Variants in ATP2B1 observed in about 807,000 individuals in gnomAD.
ATP2B1 encodes the protein ATPase plasma membrane Ca2+ transporting 1.
Under a neutral mutation model 124.2 loss-of-function variants are expected in ATP2B1, and 14 were observed. The observed-to-expected ratio is 0.11, with a 90% CI of 0.07 to 0.18. The LOEUF (loss-of-function observed/expected upper bound fraction) is 0.18. ATP2B1 is among the 10% of genes least tolerant of loss of function. The pLI is 1.00. For synonymous variants in ATP2B1, 449 were observed against 492.4 expected, an observed-to-expected ratio of 0.91 and a Z score of 1.17; for missense variants, 763 against 1,466.1, an observed-to-expected ratio of 0.52 and a Z score of 7.83.
intron 5 of ATP2B1, among the ~76,000 whole-genome samples, chr12:89,634,383 A>C (rs561284457): frequency 6.4e-4 from 98 of 152,324 alleles, no homozygotes; most frequent in African/African-American, 2.3e-3. Context: ...CATCACAGAG[A>C]ATTCATTAAT....
chr12:89,690,056 CTT>C (rs1263516560), intron 1 of ATP2B1, among the ~76,000 whole-genome samples: 1 of 151,982 alleles, frequency 6.6e-6, no homozygotes, highest in African/African-American at 2.4e-5. Flanking sequence ...TGCTAGGATT[CTT>C]TGTGGTAAGC....
At chr12:89,665,757 C>A (rs1336831289) in intron 1 of ATP2B1, among the ~76,000 whole-genome samples, 1 of 152,186 alleles carries the variant, frequency 6.6e-6, no homozygotes. Context: ...AATGTCACAC[C>A]AGCTGCTCTG....
intron 1 of ATP2B1, among the ~76,000 whole-genome samples, chr12:89,698,142 C>T (rs1891395586): frequency 6.6e-6 from 1 of 152,028 alleles, no homozygotes; most frequent in African/African-American, 2.4e-5. Flanking sequence ...CATTCTTCTT[C>T]CCATCCCCAG....
Position 89,601,451 on chromosome 12 carries a change from A to G in ATP2B1, c.3061-18T>C. 6.8e-7 allele frequency: 1 copy of G among 1,460,252 alleles called. No individual in the cohort carries two copies. The highest frequency in any genetic ancestry group is 9.2e-7 in the Non-Finnish European group (1 of 1,082,646). 90.5% of individuals were successfully genotyped at this position (1,460,252 alleles called of 1,614,324 possible). On this transcript the variant is annotated intron_variant, in intron 18 of 20. Coordinates refer to ENST00000428670, the MANE Select transcript of ATP2B1 (RefSeq NM_001366521.1). ...ATTATTATCTGGAGGAATAATCAAGAGTAAATTTACTTAAATCTTAAATTT... is the reference window on the plus strand; with the variant it reads ...ATTATTATCTGGAGGAATAATCAAGGGTAAATTTACTTAAATCTTAAATTT...
chr12:89,617,192 T>G (rs1592752113), intron 11 of ATP2B1, among the ~76,000 whole-genome samples, 153 bp from the exon 12 acceptor site: 1 of 152,204 alleles, frequency 6.6e-6, no homozygotes, highest in South Asian at 2.1e-4. Flanking sequence ...AAATTCACTT[T>G]TCACCCTCCC....
At chr12:89,623,078 T>C (rs1293364939) in intron 9 of ATP2B1, among the ~76,000 whole-genome samples, 1 of 134,980 alleles carries the variant, frequency 7.4e-6, no homozygotes, top group Admixed American at 7.6e-5. Context: ...ACATTTACTT[T>C]ATTTTTGAAA....
intron 1 of ATP2B1, among the ~76,000 whole-genome samples, chr12:89,708,226 C>A (rs1208766395): frequency 1.3e-5 from 2 of 152,012 alleles, no homozygotes; most frequent in East Asian, 3.9e-4. Flanking sequence ...CGCGCCGTGG[C>A]GGGGGCGACC....
chr12:89,678,536 T>TCA (rs1181985012), intron 1 of ATP2B1, among the ~76,000 whole-genome samples: 2 of 152,172 alleles, frequency 1.3e-5, no homozygotes, highest in African/African-American at 4.8e-5. Context: ...GTAAAGATGG[T>TCA]CACACACAGA....
chr12:89,591,006 T>C lies in ATP2B1; in HGVS notation c.3641A>G (p.His1214Arg), dbSNP rs754907837. 13 of 1,612,832 alleles carry C rather than the reference T, an allele frequency of 8.1e-6. No homozygotes were observed. The highest frequency in any genetic ancestry group is 1.6e-4 in the Middle Eastern group (1 of 6,062). ...CAATCAGAGTGATGTTTCCAAACTATGTAGTGGGCTTCCTGGGGATGAAGA... is the reference window on the plus strand; with the variant it reads ...CAATCAGAGTGATGTTTCCAAACTACGTAGTGGGCTTCCTGGGGATGAAGA... ...ATSSSPGSPL[H>R]SLETSL is the part of the protein sequence containing the mutation. The change falls in exon 21 of 21, where the codon CAT becomes CGT. Residue 1214 changes from histidine to arginine, a missense_variant. By Grantham distance (29) the His-to-Arg change is conservative. Around this residue, in one of 7 missense-constraint regions of ATP2B1, gnomAD observed 97 missense variants for 94.7 expected, o/e 1.02. Transcript: ENST00000428670.
intron 19 of ATP2B1, among the ~76,000 whole-genome samples, chr12:89,600,939 G>A (rs574752976): frequency 1.8e-4 from 27 of 152,126 alleles, no homozygotes; most frequent in African/African-American, 4.8e-4. Context: ...GTGAGCCACC[G>A]CACCCGGCCA....
chr12:89,666,047 T>A (rs1887280771), intron 1 of ATP2B1, among the ~76,000 whole-genome samples: 1 of 152,250 alleles, frequency 6.6e-6, no homozygotes, highest in African/African-American at 2.4e-5. Context: ...TATCTCGTTC[T>A]ATTTATATAG....
intron 12 of ATP2B1, chr12:89,612,101 C>CT (rs1346619337): frequency 6.6e-6 from 1 of 152,218 alleles, no homozygotes; most frequent in Non-Finnish European, 1.5e-5. Flanking sequence ...GCCCAACCTA[C>CT]TGCAATGGCT....
At position 89,590,063 on chromosome 12, in the gene ATP2B1, T is replaced by C. The variant is rs1873279196; in HGVS notation, c.*921A>G. The stretch of plus-strand genomic sequence containing the variant: ...ATAGTCTGATTTAATTTGATTTGCC[T>C]GAAATAACAAAAGCATTTCAAGCAT... On this transcript the variant is annotated 3_prime_UTR_variant, in exon 21 of 21. Coordinates refer to ENST00000428670, the MANE Select transcript of ATP2B1 (RefSeq NM_001366521.1). 1 of 152,568 alleles carries C rather than the reference T, an allele frequency of 6.6e-6. No individual in the cohort carries two copies. Among genetic ancestry groups the C allele is most frequent in the African/African-American group, 2.4e-5 (1 of 41,448 alleles). 9.5% of individuals were successfully genotyped at this position (152,568 alleles called of 1,614,324 possible).
rs908276592 is a variant in ATP2B1 at position 89,589,154 on chromosome 12, T to A, written c.*1830A>T. The A allele has an allele frequency of 6.6e-6, 1 of 152,584 alleles. No homozygotes were observed. The highest frequency in any genetic ancestry group is 2.4e-5 in the African/African-American group (1 of 41,446). 9.5% of individuals were successfully genotyped at this position (152,584 alleles called of 1,614,324 possible). On this transcript the variant is annotated 3_prime_UTR_variant, in exon 21 of 21. Coordinates refer to ENST00000428670, the MANE Select transcript of ATP2B1 (RefSeq NM_001366521.1). ...ACCTGCAGAGGATTACTGCAAAGAT[T>A]TGATGGTGAGAAAAAGATTTCCCCC...
chr12:89,591,948 C>T (rs748709532), intron 20 of ATP2B1, among the ~76,000 whole-genome samples: 67 of 151,980 alleles, frequency 4.4e-4, no homozygotes, highest in Non-Finnish European at 8.4e-4. Context: ...TTCTCTGTAA[C>T]AGATTAAAAC....
intron 15 of ATP2B1, among the ~76,000 whole-genome samples, chr12:89,605,859 T>C (rs1337420365): frequency 6.6e-6 from 1 of 152,158 alleles, no homozygotes. Context: ...GAGAGACGTA[T>C]CTCTTAGACA....
Position 89,590,702 on chromosome 12 carries a change from G to C in ATP2B1, c.*282C>G, listed in dbSNP as rs143710306. 191 of 361,906 alleles carry C rather than the reference G, an allele frequency of 5.3e-4. 2 individuals are homozygous for C. Among genetic ancestry groups the C allele is most frequent in the African/African-American group, 3.6e-3 (173 of 48,458 alleles). The allele number at this position is 361,906 out of a possible 1,614,324, so 22.4% of individuals were successfully genotyped here. The stretch of plus-strand genomic sequence containing the variant: ...TAAACTAAAGCTCTGCTAATACACT[G>C]TTCAGGACCATGCTTGGGTACTACT... On this transcript the variant is annotated 3_prime_UTR_variant, in exon 21 of 21. Transcript: ENST00000428670.
chr12:89,600,434 T>C (rs1440155279), intron 19 of ATP2B1, among the ~76,000 whole-genome samples: 1 of 152,144 alleles, frequency 6.6e-6, no homozygotes, highest in East Asian at 1.9e-4. Flanking sequence ...ATGACATGCA[T>C]TTGCAAGTAA....
chr12:89,666,856 T>C (rs542515736), intron 1 of ATP2B1, among the ~76,000 whole-genome samples: 7 of 152,132 alleles, frequency 4.6e-5, no homozygotes, highest in African/African-American at 1.2e-4. Flanking sequence ...GCTTCCTTGA[T>C]TGCCACTGCA....
Sources: gnomAD v4.1 joint callset for allele counts (sites outside exome capture counted in the v4.1 genomes callset) on GRCh38, gnomAD v4.1.1 for gene constraint, gnomAD v4.1.1 regional missense constraint, MANE v1.5 for transcripts, NCBI Gene and HGNC (gene_info 2026-07-23, HGNC 2026-07-21) for gene names.